The following BTN3A1 variants were observed in gnomAD, a reference collection of about 807,000 sequenced individuals.
BTN3A1 encodes the protein butyrophilin subfamily 3 member A1.
In BTN3A1, 24 loss-of-function variants were observed where a neutral mutation model predicts 43.0. That is an observed-to-expected ratio of 0.56 (90% CI 0.40 to 0.78). BTN3A1 has a LOEUF of 0.78. Among genes scored for constraint, BTN3A1 ranks in the 30% least tolerant of loss-of-function variants. BTN3A1 has a pLI of 0.00. For missense variants in BTN3A1, 533 were observed against 626.2 expected, an observed-to-expected ratio of 0.85 and a Z score of 1.59; for synonymous variants, 181 against 234.7, an observed-to-expected ratio of 0.77 and a Z score of 2.09.
Position 26,405,468 on chromosome 6 carries a change from C to G in BTN3A1, c.-96C>G. 1.6e-6 allele frequency: 2 copies of G among 1,227,160 alleles called. No individual in the cohort carries two copies. Among genetic ancestry groups the G allele is most frequent in the Non-Finnish European group, 1.2e-6 (1 of 832,974 alleles). The allele number at this position is 1,227,160 out of a possible 1,614,324, so 76.0% of individuals were successfully genotyped here. On this transcript the variant is annotated 5_prime_UTR_variant, in exon 2 of 10. Transcript: ENST00000289361. ...TTCGGTCACCATACTTGAGTTAGCT[C>G]TAGGGAAGTGGAGGTTTCCATTTGG...
Position 26,407,676 on chromosome 6 carries a change from GGTTCTGATCTTCAC to G in BTN3A1, c.443_456del (p.Ser148Ter). On this transcript the variant is annotated frameshift_variant, in exon 4 of 10. Transcript: ENST00000289361. LOFTEE classifies it high-confidence loss of function. The stretch of plus-strand genomic sequence containing the variant: ...GCTAATTCATCCTTCCACAGCACTG[GGTTCTGATCTTCAC>G]GTTGATGTGAAGGGTTACAAGGATG... The G allele has an allele frequency of 6.2e-7, 1 of 1,614,078 alleles. No individual in the cohort carries two copies. Among genetic ancestry groups the G allele is most frequent in the Non-Finnish European group, 8.5e-7 (1 of 1,179,946 alleles).
rs890362879 is a variant in BTN3A1, at chr6:26,412,884, G to A, written c.1019-285G>A. The A allele has an allele frequency of 5.9e-5, 89 of 1,497,810 alleles. No individual in the cohort carries two copies. The African/African-American group carries it at 8.6e-4, about 14-fold the overall frequency. The allele number at this position is 1,497,810 out of a possible 1,614,324, so 92.8% of individuals were successfully genotyped here. A position where few individuals can be genotyped will look rare whatever the true frequency, so the allele number is the denominator to read the frequency against. The stretch of plus-strand genomic sequence containing the variant: ...ATATGGGGAGGGAAACAAGAAAAAC[G>A]TAGAAAGGATCCTTGCTGCTTCCTG... On this transcript the variant is annotated intron_variant, in intron 9 of 9. Coordinates refer to ENST00000289361, the MANE Select transcript of BTN3A1 (RefSeq NM_007048.6).
chr6:26,407,653 T>A lies in BTN3A1; in HGVS notation c.434-18T>A. On this transcript the variant is annotated intron_variant, in intron 3 of 9. Coordinates refer to ENST00000289361, the MANE Select transcript of BTN3A1 (RefSeq NM_007048.6). The stretch of plus-strand genomic sequence containing the variant: ...ATACAGGCCTCTCAAGAATTTAGGC[T>A]AATTCATCCTTCCACAGCACTGGGT... The A allele has an allele frequency of 6.2e-7, 1 of 1,611,494 alleles. No homozygotes were observed. Among genetic ancestry groups the A allele is most frequent in the South Asian group, 1.1e-5 (1 of 90,986 alleles).
At chr6:26,411,025 A>AAAAAAAAAAAAATTT in intron 7 of BTN3A1, 84 bp from the exon 8 acceptor site, 1 of 796,988 alleles carries the variant, frequency 1.3e-6, no homozygotes, top group Non-Finnish European at 2.0e-6. Context: ...AAAAAAAAAG[A>AAAAAAAAAAAAATTT]TTAGATGGAT....
chr6:26,412,890 A>G, intron 9 of BTN3A1: 1 of 1,494,122 alleles, frequency 6.7e-7, no homozygotes, highest in South Asian at 1.4e-5. Context: ...AAACGTAGAA[A>G]GGATCCTTGC....
Position 26,409,589 on chromosome 6 carries a change from G to T in BTN3A1, c.772G>T (p.Val258Phe). 2 of 1,613,756 alleles carry T rather than the reference G, an allele frequency of 1.2e-6. No individual in the cohort carries two copies. The highest frequency in any genetic ancestry group is 1.7e-6 in the Non-Finnish European group (2 of 1,179,912). Residue 258 changes from valine (V) to phenylalanine (F), a missense_variant, in exon 5 of 10, where the codon GTC (valine) becomes TTC (phenylalanine). Around this residue, in one of 4 missense-constraint regions of BTN3A1, gnomAD observed 415 missense variants for 427.0 expected, o/e 0.97. Coordinates refer to ENST00000289361, the MANE Select transcript of BTN3A1 (RefSeq NM_007048.6). ...CGCCGCCCTGGCAGGGACCCTGCCT[G>T]TCTTGCTGCTGCTTCTTGGGGGAGC... is the stretch of plus-strand genomic sequence containing the variant. ...WIAALAGTLP[V>F]LLLLLGGAGY...
chr6:26,408,048 A>G (rs970771079), intron 4 of BTN3A1, 96 bp downstream of exon 4: 31 of 1,554,458 alleles, frequency 2.0e-5, no homozygotes, highest in Admixed American at 1.8e-4. Flanking sequence ...GGGTCTCTGC[A>G]CTGAATATAA....
intron 9 of BTN3A1, 156 bp downstream of exon 9, chr6:26,411,737 GGCC>G: frequency 1.1e-6 from 1 of 912,672 alleles, no homozygotes; most frequent in Non-Finnish European, 1.6e-6. Flanking sequence ...CTGAAAAGTG[GGCC>G]CATCTCCAAG....
intron 9 of BTN3A1, 113 bp downstream of exon 9, chr6:26,411,694 G>A (rs556703265): frequency 9.7e-6 from 13 of 1,341,150 alleles, no homozygotes; most frequent in South Asian, 1.4e-5. Context: ...CCATGACTAG[G>A]AGAATTTGGG....
At position 26,413,243 on chromosome 6, in the gene BTN3A1, G is replaced by A; in HGVS notation, c.1093G>A (p.Ala365Thr). The change falls in exon 10 of 10, where the codon GCC (alanine) becomes ACC (threonine). Residue 365 changes from alanine to threonine, a missense_variant. By Grantham distance (58) the Ala-to-Thr change is moderately conservative (BLOSUM62 0). Coordinates refer to ENST00000289361, the MANE Select transcript of BTN3A1 (RefSeq NM_007048.6). Reference protein sequence around the residue: ...VSEDQRSVQRAKEPQDLPDNP... With the variant: ...VSEDQRSVQRTKEPQDLPDNP... ...TGAGGACCAGAGGAGTGTGCAGCGTGCCAAGGAGCCCCAGGATCTGCCAGA... is the reference window on the plus strand; with the variant it reads ...TGAGGACCAGAGGAGTGTGCAGCGTACCAAGGAGCCCCAGGATCTGCCAGA... 1 of 1,614,188 alleles carries A rather than the reference G, an allele frequency of 6.2e-7. No individual in the cohort carries two copies. Among genetic ancestry groups the A allele is most frequent in the Non-Finnish European group, 8.5e-7 (1 of 1,180,042 alleles).
At position 26,405,855 on chromosome 6, in the gene BTN3A1, C is replaced by T. The variant is rs1271754381; in HGVS notation, c.86-54C>T. On this transcript the variant is annotated intron_variant, in intron 2 of 9. Transcript: ENST00000289361. ...TCCCTGTCTGAGAAGCACCCTTCCT[C>T]TCATGACCCCAACTCCAAAACCCTC... 1.9e-6 allele frequency: 3 copies of T among 1,612,920 alleles called. No homozygotes were observed. In the Admixed American group the frequency reaches 5.0e-5, roughly 27 times the overall value.
In BTN3A1 at chr6:26,413,265, C is replaced by G. The variant is rs749121104; in HGVS notation, c.1115C>G (p.Pro372Arg). The G allele has an allele frequency of 1.2e-6, 2 of 1,614,052 alleles. No individual in the cohort carries two copies. The highest frequency in any genetic ancestry group is 1.7e-6 in the Non-Finnish European group (2 of 1,180,048). ...VQRAKEPQDL[P>R]DNPERFNWHY... ...CGTGCCAAGGAGCCCCAGGATCTGC[C>G]AGACAACCCTGAGAGATTTAATTGG... The change falls in exon 10 of 10, where the codon CCA becomes CGA. Residue 372 changes from proline to arginine, a missense_variant. By Grantham distance (103) the Pro-to-Arg change is moderately radical. Transcript: ENST00000289361.
intron 9 of BTN3A1, chr6:26,412,842 A>G: frequency 6.5e-7 from 1 of 1,536,962 alleles, no homozygotes; most frequent in Admixed American, 2.1e-5. Flanking sequence ...AGTATAAAGC[A>G]TTAGTGGGCA....
rs1443737923 is a variant in BTN3A1 at position 26,414,084 on chromosome 6, GCT to G, written c.*395_*396del. On this transcript the variant is annotated 3_prime_UTR_variant, in exon 10 of 10. Transcript: ENST00000289361. ...CTAACATTAATGGAGAACTTAAAATGCTCTGAGTGCTGTGTTATGAGCTTTGG... is the reference window on the plus strand; with the variant it reads ...CTAACATTAATGGAGAACTTAAAATGCTGAGTGCTGTGTTATGAGCTTTGG... 1 of 292,074 alleles carries G rather than the reference GCT, an allele frequency of 3.4e-6. No individual in the cohort carries two copies. The highest frequency in any genetic ancestry group is 8.9e-5 in the East Asian group (1 of 11,206). The allele number at this position is 292,074 out of a possible 1,614,324, so 18.1% of individuals were successfully genotyped here.
chr6:26,405,171 G>A (rs1761969567), intron 1 of BTN3A1, among the ~76,000 whole-genome samples: 1 of 152,176 alleles, frequency 6.6e-6, no homozygotes, highest in African/African-American at 2.4e-5. Context: ...CACAGTGTGG[G>A]ACACCCACAG....
intron 9 of BTN3A1, chr6:26,412,457 G>C: frequency 6.8e-7 from 1 of 1,469,314 alleles, no homozygotes; most frequent in Non-Finnish European, 9.3e-7. Flanking sequence ...GGACAAGGGA[G>C]CCCAGTGGCA....
chr6:26,413,338 C>T lies in BTN3A1; in HGVS notation c.1188C>T (p.Tyr396=), dbSNP rs947398812. 1.9e-6 allele frequency: 3 copies of T among 1,614,106 alleles called. No homozygotes were observed. The highest frequency in any genetic ancestry group is 2.5e-6 in the Non-Finnish European group (3 of 1,180,036). The change falls in exon 10 of 10, where the codon TAC becomes TAT. Residue 396 remains tyrosine, a synonymous_variant. Coordinates refer to ENST00000289361, the MANE Select transcript of BTN3A1 (RefSeq NM_007048.6). ...GCESFISGRH[Y]WEVEVGDRKE... ...AGAGCTTCATATCAGGGAGACATTA[C>T]TGGGAGGTGGAGGTAGGGGACAGGA...
chr6:26,411,001 A>G, intron 7 of BTN3A1, 108 bp from the exon 8 acceptor site: 3 of 99,556 alleles, frequency 3.0e-5, no homozygotes, highest in Non-Finnish European at 5.7e-5. Context: ...TACAGGTGGT[A>G]AAAAAAAAAA....
At position 26,412,902 on chromosome 6, in the gene BTN3A1, G is replaced by A. The variant is rs1161719743; in HGVS notation, c.1019-267G>A. Reference sequence around the variant, plus strand: ...GAAAAACGTAGAAAGGATCCTTGCTGCTTCCTGAGGCCGCGTCAGGGTATT... The same window carrying A: ...GAAAAACGTAGAAAGGATCCTTGCTACTTCCTGAGGCCGCGTCAGGGTATT... On this transcript the variant is annotated intron_variant, in intron 9 of 9. Transcript: ENST00000289361. The A allele has an allele frequency of 2.0e-6, 3 of 1,482,814 alleles. No homozygotes were observed. In the African/African-American group the frequency reaches 4.2e-5, roughly 21 times the overall value. 91.9% of individuals were successfully genotyped at this position (1,482,814 alleles called of 1,614,324 possible).
Sources: gnomAD v4.1 joint callset for allele counts (sites outside exome capture counted in the v4.1 genomes callset) on GRCh38, gnomAD v4.1.1 for gene constraint, gnomAD v4.1.1 regional missense constraint, MANE v1.5 for transcripts, NCBI Gene and HGNC (gene_info 2026-07-23, HGNC 2026-07-21) for gene names.